The following TMEM45A variants were observed in gnomAD, a reference collection of about 807,000 sequenced individuals.
The protein encoded by TMEM45A is transmembrane protein 45A.
A neutral mutation model predicts 32.0 loss-of-function variants in TMEM45A; 25 were observed. That is an observed-to-expected ratio of 0.78 (90% confidence interval 0.57 to 1.09). The LOEUF (loss-of-function observed/expected upper bound fraction) is 1.09, where lower values mean the gene tolerates loss of function less well. TMEM45A is among the 50% of genes least tolerant of loss of function. TMEM45A has a pLI of 0.00. For missense variants in TMEM45A, 302 were observed against 325.0 expected (o/e 0.93, Z 0.54); for synonymous variants, 122 against 114.8 (o/e 1.06, Z -0.40).
At chr3:100,542,777 C>T (rs1705911455) in intron 1 of TMEM45A, among the ~76,000 whole-genome samples, 1 of 152,108 alleles carries the variant, frequency 6.6e-6, no homozygotes, top group Non-Finnish European at 1.5e-5. Context: ...GGTGAATTAA[C>T]ATAGGTACAA....
At chr3:100,532,354 C>G (rs6773445) in intron 1 of TMEM45A, among the ~76,000 whole-genome samples, 39,039 of 151,942 alleles carry the variant, frequency 0.26, 7,052 homozygotes, top group African/African-American at 0.5. Context: ...TGTACCTACA[C>G]ATTACTGTAA....
chr3:100,564,478 T>G (rs571441569), intron 4 of TMEM45A, among the ~76,000 whole-genome samples: 2 of 152,002 alleles, frequency 1.3e-5, no homozygotes, highest in South Asian at 4.2e-4. Flanking sequence ...ATTATTGTTT[T>G]TTTTTTTTTT....
chr3:100,512,495 A>T (rs1239874218), intron 1 of TMEM45A, among the ~76,000 whole-genome samples: 1 of 152,246 alleles, frequency 6.6e-6, no homozygotes, highest in East Asian at 1.9e-4. Flanking sequence ...GGAAATTTAT[A>T]GCACTAAATG....
rs1706501142 is a variant in TMEM45A at position 100,568,960 on chromosome 3, A to G, written c.727A>G (p.Ile243Val). 3 of 1,610,442 alleles carry G rather than the reference A, an allele frequency of 1.9e-6. No individual in the cohort carries two copies. The highest frequency in any genetic ancestry group is 1.7e-6 in the Non-Finnish European group (2 of 1,177,084). Residue 243 changes from isoleucine to valine, a missense_variant, in exon 5 of 6, where the codon ATT (isoleucine) becomes GTT (valine). By Grantham distance (29) the Ile-to-Val change is conservative. Transcript: ENST00000323523. ...IVIVGMNYAFITWLVKSRLKR... is the reference protein window; with the variant it reads ...IVIVGMNYAFVTWLVKSRLKR... ...CATCGTTGGAATGAATTATGCTTTC[A>G]TTACCTGGTAAGTTAGCGATTTCTG...
At chr3:100,518,277 C>G (rs1163951760) in intron 1 of TMEM45A, among the ~76,000 whole-genome samples, 1 of 152,206 alleles carries the variant, frequency 6.6e-6, no homozygotes, top group African/African-American at 2.4e-5. Context: ...GGCCCATTTC[C>G]TCACTTTCTT....
At chr3:100,515,652 A>T (rs1321148020) in intron 1 of TMEM45A, among the ~76,000 whole-genome samples, 1 of 151,850 alleles carries the variant, frequency 6.6e-6, no homozygotes, top group Non-Finnish European at 1.5e-5. Flanking sequence ...AAAGAAAAGA[A>T]CTATTGAGCC....
At chr3:100,499,464 C>A (rs1707980814) in intron 1 of TMEM45A, among the ~76,000 whole-genome samples, 1 of 152,172 alleles carries the variant, frequency 6.6e-6, no homozygotes, top group Non-Finnish European at 1.5e-5. Context: ...TAATGTTTGT[C>A]TCTATGTAGA....
At chr3:100,559,509 G>A (rs995959021) in intron 4 of TMEM45A, among the ~76,000 whole-genome samples, 1 of 152,010 alleles carries the variant, frequency 6.6e-6, no homozygotes, top group South Asian at 2.1e-4. Context: ...TAGTAAAGAG[G>A]GGCTAGATCC....
intron 1 of TMEM45A, among the ~76,000 whole-genome samples, chr3:100,514,548 T>C (rs1708227592): frequency 6.6e-6 from 1 of 151,840 alleles, no homozygotes; most frequent in Non-Finnish European, 1.5e-5. Flanking sequence ...GGCATTACCA[T>C]TCAGGACATA....
At chr3:100,566,121 T>C (rs1410730604) in intron 4 of TMEM45A, among the ~76,000 whole-genome samples, 1 of 152,180 alleles carries the variant, frequency 6.6e-6, no homozygotes, top group Non-Finnish European at 1.5e-5. Context: ...TTATGGTCGA[T>C]TGATAGTCCC....
intron 5 of TMEM45A, among the ~76,000 whole-genome samples, chr3:100,569,896 C>G (rs904187315): frequency 6.6e-6 from 1 of 152,148 alleles, no homozygotes; most frequent in African/African-American, 2.4e-5. Flanking sequence ...CAGGGGAGGC[C>G]TCTTTACAAT....
At chr3:100,499,281 G>A (rs1707978022) in intron 1 of TMEM45A, among the ~76,000 whole-genome samples, 1 of 152,060 alleles carries the variant, frequency 6.6e-6, no homozygotes, top group Non-Finnish European at 1.5e-5. Flanking sequence ...TCAATGTCCT[G>A]AAGCTTTTTC....
At chr3:100,555,555 T>G (rs531952400) in intron 2 of TMEM45A, among the ~76,000 whole-genome samples, 154 bp downstream of exon 2, 2 of 152,344 alleles carry the variant, frequency 1.3e-5, no homozygotes, top group South Asian at 4.1e-4. Flanking sequence ...GATATGAAAT[T>G]AATCAAGTTA....
At chr3:100,499,224 T>C (rs1707976969) in intron 1 of TMEM45A, among the ~76,000 whole-genome samples, 1 of 152,192 alleles carries the variant, frequency 6.6e-6, no homozygotes, top group Non-Finnish European at 1.5e-5. Context: ...ATTTTTTTCT[T>C]TTTTGCCTGC....
Position 100,558,429 on chromosome 3 carries a change from A to G in TMEM45A, c.428A>G (p.His143Arg). ...GCCTTTATCTTCTACAACCACACTC[A>G]TGGCCGGGAAATGCTGGACATCTTT... is the stretch of plus-strand genomic sequence containing the variant. Reference protein sequence around the residue: ...VEAFIFYNHTHGREMLDIFVH... With the variant: ...VEAFIFYNHTRGREMLDIFVH... The change falls in exon 4 of 6, where the codon CAT (histidine) becomes CGT (arginine). Residue 143 changes from histidine (H) to arginine (R), a missense_variant. Coordinates refer to ENST00000323523, the MANE Select transcript of TMEM45A (RefSeq NM_018004.3). 3 of 1,613,724 alleles carry G rather than the reference A, an allele frequency of 1.9e-6. No individual in the cohort carries two copies. The highest frequency in any genetic ancestry group is 1.7e-6 in the Non-Finnish European group (2 of 1,180,000).
At chr3:100,569,340 C>T (rs891468008) in intron 5 of TMEM45A, among the ~76,000 whole-genome samples, 1 of 152,056 alleles carries the variant, frequency 6.6e-6, no homozygotes, top group African/African-American at 2.4e-5. Context: ...AATTATAGCA[C>T]TTCTTAAGCT....
intron 4 of TMEM45A, among the ~76,000 whole-genome samples, chr3:100,561,534 C>T (rs1706330549): frequency 6.6e-6 from 1 of 152,090 alleles, no homozygotes; most frequent in African/African-American, 2.4e-5. Flanking sequence ...ATTAGCAATG[C>T]TTTCTTTCCT....
At chr3:100,576,723 C>T (rs749907103) in intron 5 of TMEM45A, among the ~76,000 whole-genome samples, 5 of 152,208 alleles carry the variant, frequency 3.3e-5, no homozygotes, top group African/African-American at 4.8e-5. Flanking sequence ...TGGAAAACCA[C>T]GTTGTATCTG....
chr3:100,558,653 T>G (rs1225436915), intron 4 of TMEM45A, 64 bp downstream of exon 4: 1 of 1,545,704 alleles, frequency 6.5e-7, no homozygotes, highest in Non-Finnish European at 8.8e-7. Context: ...GTTTATTTGA[T>G]GAGGCAGTTT....
Sources: allele counts gnomAD v4.1 joint callset (sites outside exome capture counted in the v4.1 genomes callset), GRCh38; gene constraint gnomAD v4.1.1; transcripts MANE v1.5; gene names NCBI Gene and HGNC (gene_info 2026-07-23, HGNC 2026-07-21).